Variants in ANO8 observed in about 807,000 individuals in gnomAD.
ANO8 encodes anoctamin 8, also known as anoctamin-8.
Under a neutral mutation model 120.4 loss-of-function variants are expected in ANO8, and 67 were observed. That is an observed-to-expected ratio of 0.56 (90% CI 0.46 to 0.68). The LOEUF is 0.68. Ranked by LOEUF, ANO8 falls within the 30% of genes least tolerant of loss-of-function variation. The pLI is 0.00. For synonymous variants in ANO8, 727 were observed against 759.2 expected (o/e 0.96, Z 0.70); for missense variants, 1,526 against 1,737.6 (o/e 0.88, Z 2.16).
chr19:17,332,885 A>T (rs1568362429), intron 5 of ANO8, 45 bp downstream of exon 5: 1 of 1,606,440 alleles, frequency 6.2e-7, no homozygotes, highest in Admixed American at 1.7e-5. Flanking sequence ...GAAGAGCTCC[A>T]CCCAACTCTC....
chr19:17,323,465 C>T lies in ANO8; in HGVS notation c.*52G>A. On this transcript the variant is annotated 3_prime_UTR_variant, in exon 18 of 18. Transcript: ENST00000159087. ...ATTTTGCATTTTGGAGACCGGCCGC[C>T]CCTGTGAATGACTGATATTGCATAT... 1 of 1,285,176 alleles carries T rather than the reference C, an allele frequency of 7.8e-7. No homozygotes were observed. The highest frequency in any genetic ancestry group is 9.9e-7 in the Non-Finnish European group (1 of 1,014,908). 79.6% of individuals were successfully genotyped at this position (1,285,176 alleles called of 1,614,324 possible). A position where few individuals can be genotyped will look rare whatever the true frequency, so the allele number is the denominator to read the frequency against.
At chr19:17,327,629 C>T in intron 14 of ANO8, 60 bp from the exon 15 acceptor site, 4 of 1,608,202 alleles carry the variant, frequency 2.5e-6, no homozygotes, top group Non-Finnish European at 2.6e-6. Flanking sequence ...CCCCAGGCTC[C>T]TCCCAGCTGC....
chr19:17,328,500 C>T lies in ANO8; in HGVS notation c.1888G>A (p.Gly630Ser), dbSNP rs767740023. The T allele has an allele frequency of 2.6e-6, 4 of 1,555,710 alleles. No individual in the cohort carries two copies. The highest frequency in any genetic ancestry group is 3.5e-6 in the Non-Finnish European group (4 of 1,153,116). The change falls in exon 13 of 18, where the codon GGC (glycine) becomes AGC (serine). Residue 630 changes from glycine to serine, a missense_variant. Around this residue, in one of 8 missense-constraint regions of ANO8, gnomAD observed 467 missense variants for 425.8 expected, o/e 1.10. Transcript: ENST00000159087. Reference sequence around the variant, plus strand: ...TCCAGGAGGGCCTCCGGGCTTGGGCCGGGCCGACGCCGCCCCGCGCCGCGC... The same window carrying T: ...TCCAGGAGGGCCTCCGGGCTTGGGCTGGGCCGACGCCGCCCCGCGCCGCGC... Reference protein sequence around the residue: ...AERGAGRRRPGPSPEALLEEG... With the variant: ...AERGAGRRRPSPSPEALLEEG...
rs776486261 is a variant in ANO8, at chr19:17,324,938, C to T, written c.3110G>A (p.Arg1037Gln). Reference protein sequence around the residue: ...FKFLKSPETRRDSERSHSPPK... With the variant: ...FKFLKSPETRQDSERSHSPPK... ...CGGTGAGTGGCTGCGCTCAGAGTCC[C>T]GCCGGGTCTCGGGTGACTTGAGGAA... Residue 1037 changes from arginine (R) to glutamine (Q), a missense_variant, in exon 17 of 18, where the codon CGG (arginine) becomes CAG (glutamine). Arg to Gln is a conservative substitution (Grantham distance 43). Coordinates refer to ENST00000159087, the MANE Select transcript of ANO8 (RefSeq NM_020959.3). 9.3e-6 allele frequency: 15 copies of T among 1,613,166 alleles called. No individual in the cohort carries two copies. The Admixed American group carries it at 1.2e-4, about 13-fold the overall frequency.
In ANO8 at chr19:17,333,233, G is replaced by A. The variant is rs763093507; in HGVS notation, c.357C>T (p.Leu119=). The change falls in exon 4 of 18, where the codon CTC becomes CTT. Residue 119 remains leucine (L), a synonymous_variant. Transcript: ENST00000159087. This position sits in a 1 kb window ranked among gnomAD's most constrained non-coding sequence, Gnocchi z 7.2. ...FFVTATYESL[L]RGADELGLRK... ...GCAGACCCAGCTCGTCGGCCCCTCG[G>A]AGTAGGCTGTGAAGAAGGCGGAGGA... 2 of 1,609,600 alleles carry A rather than the reference G, an allele frequency of 1.2e-6. No individual in the cohort carries two copies. Among genetic ancestry groups the A allele is most frequent in the Non-Finnish European group, 1.7e-6 (2 of 1,177,294 alleles).
chr19:17,328,622 T>G lies in ANO8; in HGVS notation c.1766A>C (p.Glu589Ala). The part of the protein sequence containing the change: ...GGKEEDEDDE[E>A]EEDEEEEEDE... ...CTCCTCTTCCTCCTCGTCCTCCTCC[T>G]CCTCGTCGTCCTCGTCCTCCTCCTT... Residue 589 changes from glutamate (E) to alanine (A), a missense_variant, in exon 13 of 18, where the codon GAG (glutamate) becomes GCG (alanine). Physicochemically the swap from Glu to Ala is moderately radical, Grantham distance 107. Transcript: ENST00000159087. 1 of 1,532,264 alleles carries G rather than the reference T, an allele frequency of 6.5e-7. No individual in the cohort carries two copies. The highest frequency in any genetic ancestry group is 2.0e-5 in the Admixed American group (1 of 50,110). The allele number at this position is 1,532,264 out of a possible 1,614,324, so 94.9% of individuals were successfully genotyped here.
At position 17,323,739 on chromosome 19, in the gene ANO8, G is replaced by C; in HGVS notation, c.3477C>G (p.Gly1159=). The C allele has an allele frequency of 8.3e-7, 1 of 1,202,068 alleles. No homozygotes were observed. The highest frequency in any genetic ancestry group is 1.6e-5 in the African/African-American group (1 of 63,106). 74.5% of individuals were successfully genotyped at this position (1,202,068 alleles called of 1,614,324 possible). Residue 1159 remains glycine, a synonymous_variant, in exon 18 of 18, where the codon GGC becomes GGG. Coordinates refer to ENST00000159087, the MANE Select transcript of ANO8 (RefSeq NM_020959.3). ...WQWDGPWGCG[G]EGAAPRQALA... is the part of the protein sequence containing the mutation. Reference sequence around the variant, plus strand: ...GGGCCTGGCGGGGGGCGGCACCCTCGCCCCCGCAGCCCCAGGGCCCGTCCC... The same window carrying C: ...GGGCCTGGCGGGGGGCGGCACCCTCCCCCCCGCAGCCCCAGGGCCCGTCCC...
At chr19:17,332,231 G>A (rs560375344) in intron 5 of ANO8, among the ~76,000 whole-genome samples, 1 of 143,090 alleles carries the variant, frequency 7.0e-6, no homozygotes, top group Non-Finnish European at 1.5e-5. Flanking sequence ...CACCGCGCCC[G>A]GCCTTATTTT....
At chr19:17,330,061 G>A (rs1346023909) in intron 10 of ANO8, 47 bp from the exon 11 acceptor site, 24 of 1,613,814 alleles carry the variant, frequency 1.5e-5, no homozygotes, top group Non-Finnish European at 2.0e-5. Context: ...GTCCCCCCAA[G>A]GGTGGCAGGG....
In ANO8 at chr19:17,327,446, C is replaced by T. The variant is rs761229392; in HGVS notation, c.2542G>A (p.Val848Met). 3.1e-6 allele frequency: 5 copies of T among 1,610,518 alleles called. No individual in the cohort carries two copies. Among genetic ancestry groups the T allele is most frequent in the Non-Finnish European group, 4.2e-6 (5 of 1,178,606 alleles). The change falls in exon 15 of 18, where the codon GTG (valine) becomes ATG (methionine). Residue 848 changes from valine to methionine, a missense_variant. Transcript: ENST00000159087. ...SPEAAIVSVV[V>M]LEHFALLLKY... ...CCTGTCGCCGGCCCCACCTCGAGCA[C>T]TACCACCGACACGATGGCTGCCTCC...
In ANO8 at chr19:17,329,837, G is replaced by C; in HGVS notation, c.1330-6C>G. ...TACGAGTTGACAAACTGGAACTGCA[G>C]GAAGGAGGCAGGCGGTGGTCATCCT... On this transcript the variant is annotated splice_polypyrimidine_tract_variant and splice_region_variant and intron_variant, in intron 11 of 17. Transcript: ENST00000159087. 6.2e-7 allele frequency: 1 copy of C among 1,613,954 alleles called. No homozygotes were observed. Among genetic ancestry groups the C allele is most frequent in the South Asian group, 1.1e-5 (1 of 91,086 alleles).
At position 17,330,156 on chromosome 19, in the gene ANO8, G is replaced by A; in HGVS notation, c.1242C>T (p.Tyr414=). The change falls in exon 10 of 18, where the codon TAC becomes TAT. Residue 414 remains tyrosine (Y), a synonymous_variant. Transcript: ENST00000159087. ...CATTGAGCCAGATGGCTAGCTTCTT[G>A]TAGCCCTCGGCACTCACACTGACAA... The part of the protein sequence containing the change: ...ALLVSVSAEG[Y]KKLAIWLNDM... 1 of 1,614,060 alleles carries A rather than the reference G, an allele frequency of 6.2e-7. No individual in the cohort carries two copies. Among genetic ancestry groups the A allele is most frequent in the Non-Finnish European group, 8.5e-7 (1 of 1,180,020 alleles).
chr19:17,327,211 C>A, intron 16 of ANO8, 24 bp downstream of exon 16: 1 of 1,506,732 alleles, frequency 6.6e-7, no homozygotes, highest in Non-Finnish European at 8.9e-7. Context: ...AATGAGAAAA[C>A]CGAGCCCAGC....
At position 17,333,583 on chromosome 19, in the gene ANO8, C is replaced by T. The variant is rs370992313; in HGVS notation, c.218-29G>A. 2.1e-5 allele frequency: 34 copies of T among 1,610,242 alleles called. No individual in the cohort carries two copies. The Middle Eastern group carries it at 4.9e-4, about 23-fold the overall frequency. The stretch of plus-strand genomic sequence containing the variant: ...CCAAGGGGCACAGGGACCGATGGCT[C>T]CTGCCACGAGGGGGCCCAAGGCCTC... On this transcript the variant is annotated intron_variant, in intron 2 of 17. Coordinates refer to ENST00000159087, the MANE Select transcript of ANO8 (RefSeq NM_020959.3). This position sits in a 1 kb window ranked among gnomAD's most constrained non-coding sequence, Gnocchi z 7.2.
rs756355077 is a variant in ANO8 at position 17,333,831 on chromosome 19, G to A, written c.107-31C>T. Reference sequence around the variant, plus strand: ...GGGCGGCGTAGCAGGCCCGGGTCAGGCCACTCTGGGATCCGGACCCGGCCT... The same window carrying A: ...GGGCGGCGTAGCAGGCCCGGGTCAGACCACTCTGGGATCCGGACCCGGCCT... On this transcript the variant is annotated intron_variant, in intron 1 of 17. Coordinates refer to ENST00000159087, the MANE Select transcript of ANO8 (RefSeq NM_020959.3). The surrounding 1 kb of genome is among the most constrained non-coding windows in gnomAD (Gnocchi z 7.2). 5.2e-6 allele frequency: 8 copies of A among 1,542,834 alleles called. No homozygotes were observed. The South Asian group carries it at 9.5e-5, about 18-fold the overall frequency.
chr19:17,330,605 C>A, intron 8 of ANO8, 101 bp from the exon 9 acceptor site: 3 of 1,424,984 alleles, frequency 2.1e-6, no homozygotes, highest in Non-Finnish European at 2.8e-6. Context: ...CTCCATCATG[C>A]GGAGGTGACC....
At chr19:17,331,651 GTTT>G (rs369893061) in intron 5 of ANO8, among the ~76,000 whole-genome samples, 3 of 143,380 alleles carry the variant, frequency 2.1e-5, no homozygotes, top group South Asian at 2.2e-4. Flanking sequence ...GAGGAACCAT[GTTT>G]TTTTTTTTTT....
At position 17,329,850 on chromosome 19, in the gene ANO8, C is replaced by T. The variant is rs200633466; in HGVS notation, c.1330-19G>A. The T allele has an allele frequency of 3.5e-4, 563 of 1,613,280 alleles. No individual in the cohort carries two copies. The highest frequency in any genetic ancestry group is 4.4e-4 in the Non-Finnish European group (524 of 1,179,530). On this transcript the variant is annotated intron_variant, in intron 11 of 17. Coordinates refer to ENST00000159087, the MANE Select transcript of ANO8 (RefSeq NM_020959.3). ...ACTGGAACTGCAGGAAGGAGGCAGGCGGTGGTCATCCTGCACCCCCACCCG... is the reference window on the plus strand; with the variant it reads ...ACTGGAACTGCAGGAAGGAGGCAGGTGGTGGTCATCCTGCACCCCCACCCG...
chr19:17,332,187 A>G (rs1386495223), intron 5 of ANO8, among the ~76,000 whole-genome samples: 9 of 142,116 alleles, frequency 6.3e-5, no homozygotes, highest in Non-Finnish European at 1.1e-4. Context: ...CGCCCGCCTC[A>G]GCCTCCCAAA....
Sources: allele counts gnomAD v4.1 joint callset (sites outside exome capture counted in the v4.1 genomes callset), GRCh38; gene constraint gnomAD v4.1.1; regional missense constraint gnomAD v4.1.1; non-coding constraint Gnocchi (gnomAD v3.1); transcripts MANE v1.5; gene names NCBI Gene and HGNC (gene_info 2026-07-23, HGNC 2026-07-21).